TYK2: variants seen among roughly 807,000 people sequenced by gnomAD.
The protein encoded by TYK2 is tyrosine kinase 2.
In TYK2, 65 loss-of-function variants were observed where a neutral mutation model predicts 130.9. That is an observed-to-expected ratio of 0.50 (90% CI 0.41 to 0.61). The LOEUF (loss-of-function observed/expected upper bound fraction) is 0.61. Ranked by LOEUF, TYK2 falls within the 20% of genes least tolerant of loss-of-function variation. TYK2 has a pLI of 0.00. For synonymous variants in TYK2, 647 were observed against 658.9 expected, an observed-to-expected ratio of 0.98 and a Z score of 0.28; for missense variants, 1,378 against 1,610.7, an observed-to-expected ratio of 0.86 and a Z score of 2.47.
chr19:10,372,245 A>G (rs78527617), intron 3 of TYK2, among the ~76,000 whole-genome samples: 25,002 of 148,290 alleles, frequency 0.17, 2,268 homozygotes, highest in African/African-American at 0.23. Context: ...CGCCCACCTC[A>G]GCCTCCCAAA....
At chr19:10,358,258 TTTCTG>T in intron 15 of TYK2, 120 bp from the exon 16 acceptor site, 1 of 1,056,136 alleles carries the variant, frequency 9.5e-7, no homozygotes, top group Non-Finnish European at 1.3e-6. Flanking sequence ...ACTGGGTTTC[TTTCTG>T]TTTTGTTTTT....
Position 10,368,350 on chromosome 19 carries a change from T to C in TYK2, c.262A>G (p.Asn88Asp), listed in dbSNP as rs752013617. The C allele has an allele frequency of 1.2e-5, 19 of 1,614,064 alleles. No homozygotes were observed. Among genetic ancestry groups the C allele is most frequent in the Non-Finnish European group, 1.3e-5 (15 of 1,180,006 alleles). Residue 88 changes from asparagine to aspartate, a missense_variant, in exon 4 of 25, where the codon AAC (asparagine) becomes GAC (aspartate). Transcript: ENST00000525621. ...DAQAQVWLPP[N>D]HILEIPRDAS... ...TCTCTGGGGATCTCTAGGATGTGGT[T>C]TGGGGGCAACCAGACTTGGGCCTGA...
chr19:10,375,870 T>C (rs2042096461), intron 3 of TYK2, among the ~76,000 whole-genome samples: 1 of 151,278 alleles, frequency 6.6e-6, no homozygotes, highest in South Asian at 2.1e-4. Flanking sequence ...GAGGTTGCAG[T>C]TAGCTGAGAT....
Position 10,354,461 on chromosome 19 carries a change from A to G in TYK2, c.2715+51T>C, listed in dbSNP as rs768034952. The G allele has an allele frequency of 2.0e-5, 31 of 1,561,442 alleles. No individual in the cohort carries two copies. In the South Asian group the frequency reaches 3.3e-4, roughly 17 times the overall value. On this transcript the variant is annotated intron_variant, in intron 19 of 24. Coordinates refer to ENST00000525621, the MANE Select transcript of TYK2 (RefSeq NM_003331.5). ...GGTAGGAATTTATCCTCAACCCCCA[A>G]ACTCCTTCCCGACCAGGCGGGCCTT...
At position 10,350,786 on chromosome 19, in the gene TYK2, G is replaced by A. The variant is rs564785921; in HGVS notation, c.*48C>T. On this transcript the variant is annotated 3_prime_UTR_variant, in exon 25 of 25. Coordinates refer to ENST00000525621, the MANE Select transcript of TYK2 (RefSeq NM_003331.5). ...GAGCAGGGAGCAGGAGGCTCCCTCT[G>A]CAGCCACTGCCTGGTCCAGTCCTCC... 1.2e-6 allele frequency: 2 copies of A among 1,607,864 alleles called. No homozygotes were observed. The highest frequency in any genetic ancestry group is 1.1e-5 in the South Asian group (1 of 90,846).
chr19:10,378,615 C>T, intron 2 of TYK2, 189 bp from the exon 3 acceptor site: 1 of 590,328 alleles, frequency 1.7e-6, no homozygotes, highest in Non-Finnish European at 3.0e-6. Context: ...TTGGGGTATG[C>T]ATCCCCACCT....
chr19:10,366,767 G>A (rs1044954238), intron 5 of TYK2, among the ~76,000 whole-genome samples, 187 bp from the exon 6 acceptor site: 46 of 151,608 alleles, frequency 3.0e-4, no homozygotes, highest in Non-Finnish European at 4.9e-4. Flanking sequence ...ATCGCAAGCC[G>A]GGCATGGTGG....
chr19:10,366,655 T>C (rs1421222365), intron 5 of TYK2, 75 bp from the exon 6 acceptor site: 3 of 1,558,044 alleles, frequency 1.9e-6, no homozygotes, highest in Non-Finnish European at 1.8e-6. Context: ...TCCAATCTTC[T>C]GGCTACCCTG....
chr19:10,366,815 C>T (rs536789719), intron 5 of TYK2, among the ~76,000 whole-genome samples: 2 of 151,194 alleles, frequency 1.3e-5, no homozygotes, highest in East Asian at 2.0e-4. Flanking sequence ...GAGGCCAAGG[C>T]GGGCGGGTCA....
chr19:10,360,459 T>C (rs1368209973), intron 14 of TYK2, among the ~76,000 whole-genome samples: 2 of 152,032 alleles, frequency 1.3e-5, no homozygotes, highest in African/African-American at 4.8e-5. Context: ...ATGGCACCAC[T>C]GCATTGCAGC....
chr19:10,365,699 C>T lies in TYK2; in HGVS notation c.829G>A (p.Val277Met), dbSNP rs148520054. Residue 277 changes from valine (V) to methionine (M), a missense_variant, in exon 7 of 25, where the codon GTG becomes ATG. Coordinates refer to ENST00000525621, the MANE Select transcript of TYK2 (RefSeq NM_003331.5). ...APRFGTERVP[V>M]CHLRLLAQAE... ...TGGGCCAGCAGCCTCAGGTGGCACA[C>T]GGGCACACGCTCTGTGCCGAAGCGG... is the stretch of plus-strand genomic sequence containing the variant. 4.1e-5 allele frequency: 66 copies of T among 1,613,012 alleles called. No individual in the cohort carries two copies. Among genetic ancestry groups the T allele is most frequent in the Non-Finnish European group, 5.3e-5 (62 of 1,179,836 alleles).
chr19:10,351,928 C>A (rs1037390334), intron 23 of TYK2, among the ~76,000 whole-genome samples: 6 of 150,776 alleles, frequency 4.0e-5, no homozygotes, highest in Non-Finnish European at 8.9e-5. Context: ...TTAGTAGAGA[C>A]GGGGTTTCAC....
chr19:10,351,379 TG>T, intron 23 of TYK2: 1 of 447,350 alleles, frequency 2.2e-6, no homozygotes, highest in Non-Finnish European at 4.2e-6. Context: ...CCCAGCTACT[TG>T]GGAGGCTGAG....
Position 10,361,724 on chromosome 19 carries a change from C to T in TYK2, c.1959+46G>A, listed in dbSNP as rs1406765791. 2 of 1,605,594 alleles carry T rather than the reference C, an allele frequency of 1.2e-6. No homozygotes were observed. The highest frequency in any genetic ancestry group is 2.7e-5 in the African/African-American group (2 of 74,622). Reference sequence around the variant, plus strand: ...CCCCTCCCATCCCACCTCCTCCGGCCACCTCCTCCACAGACACACCCCCAG... The same window carrying T: ...CCCCTCCCATCCCACCTCCTCCGGCTACCTCCTCCACAGACACACCCCCAG... On this transcript the variant is annotated intron_variant, in intron 13 of 24. Coordinates refer to ENST00000525621, the MANE Select transcript of TYK2 (RefSeq NM_003331.5). This position sits in a 1 kb window ranked among gnomAD's most constrained non-coding sequence, Gnocchi z 4.0.
intron 6 of TYK2, 27 bp from the exon 7 acceptor site, chr19:10,365,925 G>A (rs1266431787): frequency 1.3e-6 from 2 of 1,582,736 alleles, no homozygotes; most frequent in Non-Finnish European, 1.7e-6. Context: ...TGAGGGGCTG[G>A]TCAGGGACCT....
chr19:10,374,751 C>T (rs1300806965), intron 3 of TYK2, among the ~76,000 whole-genome samples: 26 of 127,172 alleles, frequency 2.0e-4, no homozygotes, highest in Middle Eastern at 6.5e-3. Flanking sequence ...GGCGTGGTGG[C>T]AGGCGCCTGT....
rs576276690 is a variant in TYK2, at chr19:10,353,654, G to A, written c.2909-8C>T. 20 of 1,469,236 alleles carry A rather than the reference G, an allele frequency of 1.4e-5. No individual in the cohort carries two copies. In the Admixed American group the frequency reaches 2.2e-4, roughly 16 times the overall value. The allele number at this position is 1,469,236 out of a possible 1,614,324, so 91.0% of individuals were successfully genotyped here. Reference sequence around the variant, plus strand: ...GCTGCAGCGACTTCTCGCCTGCCGCGGAGAGGGGCGGCCCCGGTGGGGGAC... The same window carrying A: ...GCTGCAGCGACTTCTCGCCTGCCGCAGAGAGGGGCGGCCCCGGTGGGGGAC... On this transcript the variant is annotated splice_region_variant and splice_polypyrimidine_tract_variant and intron_variant, in intron 20 of 24. Coordinates refer to ENST00000525621, the MANE Select transcript of TYK2 (RefSeq NM_003331.5). This position sits in a 1 kb window ranked among gnomAD's most constrained non-coding sequence, Gnocchi z 6.9.
chr19:10,369,104 C>T (rs752829910), intron 3 of TYK2, among the ~76,000 whole-genome samples: 39 of 152,226 alleles, frequency 2.6e-4, no homozygotes, highest in Admixed American at 1.8e-3. Flanking sequence ...CCACTGTGCT[C>T]GGCCGATTTT....
At position 10,365,051 on chromosome 19, in the gene TYK2, G is replaced by A. The variant is rs1349379464; in HGVS notation, c.1012-3C>T. On this transcript the variant is annotated splice_polypyrimidine_tract_variant and splice_region_variant and intron_variant, in intron 7 of 24. Transcript: ENST00000525621. ...CTGCCACTGCTGCCACTAGAACCCT[G>A]AACACCCAGCAAGTGGGGCAGAGGA... 1 of 1,602,464 alleles carries A rather than the reference G, an allele frequency of 6.2e-7. No homozygotes were observed. The highest frequency in any genetic ancestry group is 1.1e-5 in the South Asian group (1 of 89,694).
Sources: allele counts gnomAD v4.1 joint callset (sites outside exome capture counted in the v4.1 genomes callset), GRCh38; gene constraint gnomAD v4.1.1; non-coding constraint Gnocchi (gnomAD v3.1); transcripts MANE v1.5; gene names NCBI Gene and HGNC (gene_info 2026-07-23, HGNC 2026-07-21).